Variants in NOL4 observed in about 807,000 individuals in gnomAD.
NOL4 encodes the protein cancer/testis antigen 125.
Under a neutral mutation model 75.9 loss-of-function variants are expected in NOL4, and 17 were observed. The observed-to-expected ratio is 0.22, with a 90% confidence interval of 0.15 to 0.34. The LOEUF is 0.34. Among genes scored for constraint, NOL4 ranks in the 10% least tolerant of loss-of-function variants. The pLI is 1.00. For missense variants in NOL4, 614 were observed against 793.5 expected, an observed-to-expected ratio of 0.77 and a Z score of 2.72; for synonymous variants, 292 against 289.9, an observed-to-expected ratio of 1.01 and a Z score of -0.07.
intron 10 of NOL4, among the ~76,000 whole-genome samples, chr18:33,871,362 G>A (rs2063692269): frequency 6.6e-6 from 1 of 152,118 alleles, no homozygotes; most frequent in South Asian, 2.1e-4. Context: ...GCCCAGGAAA[G>A]GGTAATGTGG....
At chr18:34,074,157 A>G (rs1325802889) in intron 5 of NOL4, among the ~76,000 whole-genome samples, 2 of 151,838 alleles carry the variant, frequency 1.3e-5, no homozygotes, top group African/African-American at 2.4e-5. Flanking sequence ...TATTTTTGGA[A>G]TATTTTGGTA....
chr18:34,212,278 G>A (rs985435571), intron 1 of NOL4, among the ~76,000 whole-genome samples: 2 of 151,864 alleles, frequency 1.3e-5, no homozygotes, highest in African/African-American at 4.9e-5. Flanking sequence ...TAATCTGTGA[G>A]AGCTTACATC....
At chr18:34,184,874 G>C (rs1352636579) in intron 1 of NOL4, among the ~76,000 whole-genome samples, 1 of 152,094 alleles carries the variant, frequency 6.6e-6, no homozygotes, top group African/African-American at 2.4e-5. Flanking sequence ...AAGTGGTGAA[G>C]AAGACATACA....
At chr18:33,966,043 T>G (rs1307397126) in intron 6 of NOL4, among the ~76,000 whole-genome samples, 1 of 152,152 alleles carries the variant, frequency 6.6e-6, no homozygotes, top group African/African-American at 2.4e-5. Context: ...GTGATTGATT[T>G]TATATCCCCT....
At chr18:34,196,302 T>C (rs1258058609) in intron 1 of NOL4, among the ~76,000 whole-genome samples, 6 of 152,098 alleles carry the variant, frequency 3.9e-5, no homozygotes, top group Non-Finnish European at 1.5e-5. Flanking sequence ...AAAGATTCTA[T>C]CATCTTGTTT....
At chr18:33,972,562 CAA>C (rs976473729) in intron 6 of NOL4, among the ~76,000 whole-genome samples, 1 of 152,168 alleles carries the variant, frequency 6.6e-6, no homozygotes, top group Admixed American at 6.6e-5. Context: ...AGCACTTCCT[CAA>C]AAAATTAAAG....
At position 34,154,486 on chromosome 18, in the gene NOL4, G is replaced by T. The variant is rs1255777661; in HGVS notation, c.265-24466C>A. Among the ~76,000 whole-genome samples, 5 of 151,822 alleles carry T rather than the reference G, an allele frequency of 3.3e-5. 1 individual carries two copies. Among genetic ancestry groups the T allele is most frequent in the Non-Finnish European group, 7.4e-5 (5 of 67,904 alleles). Reference sequence around the variant, plus strand: ...ATTTTGTTATGTCATTATGTTTGTGGGATTCATACATGCTGTAGTGTGTAG... The same window carrying T: ...ATTTTGTTATGTCATTATGTTTGTGTGATTCATACATGCTGTAGTGTGTAG... On this transcript the variant is annotated intron_variant, in intron 1 of 10. Coordinates refer to ENST00000261592, the MANE Select transcript of NOL4 (RefSeq NM_003787.5).
intron 1 of NOL4, among the ~76,000 whole-genome samples, chr18:34,209,610 T>C (rs1350230262): frequency 6.6e-6 from 1 of 152,136 alleles, no homozygotes; most frequent in African/African-American, 2.4e-5. Flanking sequence ...GAGGTCTCAT[T>C]TGTGTATATA....
intron 2 of NOL4, among the ~76,000 whole-genome samples, chr18:34,122,061 G>T (rs1311893802): frequency 1.3e-5 from 2 of 152,162 alleles, no homozygotes; most frequent in African/African-American, 4.8e-5. Context: ...AGCACAGAAA[G>T]ATAGAAATTT....
At chr18:33,984,299 T>A (rs191070473) in intron 6 of NOL4, among the ~76,000 whole-genome samples, 156 of 152,256 alleles carry the variant, frequency 1.0e-3, no homozygotes, top group African/African-American at 3.6e-3. Flanking sequence ...CAGTGAAATA[T>A]ACCTCAGGAT....
At chr18:34,011,692 A>T (rs2074383221) in intron 6 of NOL4, among the ~76,000 whole-genome samples, 1 of 151,844 alleles carries the variant, frequency 6.6e-6, no homozygotes. Flanking sequence ...AAAATTAAAT[A>T]CAAAAATAAA....
chr18:34,077,735 T>C (rs577906131), intron 5 of NOL4, among the ~76,000 whole-genome samples: 8 of 152,246 alleles, frequency 5.3e-5, no homozygotes, highest in South Asian at 2.1e-4. Context: ...AAAATATTTG[T>C]AGAAAGGAAA....
intron 5 of NOL4, among the ~76,000 whole-genome samples, chr18:34,055,658 G>GT (rs983108302): frequency 6.6e-6 from 1 of 152,064 alleles, no homozygotes; most frequent in Non-Finnish European, 1.5e-5. Context: ...AATTTGGGAA[G>GT]TTTTTTGTCA....
intron 9 of NOL4, among the ~76,000 whole-genome samples, chr18:33,903,490 C>T (rs945186684): frequency 6.6e-6 from 1 of 152,100 alleles, no homozygotes; most frequent in Non-Finnish European, 1.5e-5. Context: ...CCTGGGTACA[C>T]ATATCTCATC....
At chr18:33,892,252 G>T (rs898546156) in intron 9 of NOL4, among the ~76,000 whole-genome samples, 2 of 151,868 alleles carry the variant, frequency 1.3e-5, no homozygotes, top group African/African-American at 4.8e-5. Flanking sequence ...AACAAAGCAA[G>T]ACCCTGTCTC....
chr18:34,137,779 T>TATATACACACAC (rs1354745785), intron 1 of NOL4, among the ~76,000 whole-genome samples: 6 of 147,044 alleles, frequency 4.1e-5, no homozygotes, highest in South Asian at 4.4e-4. Context: ...ATATACGAAA[T>TATATACACACAC]ACACACACAC....
At chr18:33,862,047 G>T (rs1192025092) in intron 10 of NOL4, among the ~76,000 whole-genome samples, 1 of 152,074 alleles carries the variant, frequency 6.6e-6, no homozygotes, top group African/African-American at 2.4e-5. Context: ...AACCAAAACA[G>T]CATGGTACTG....
intron 4 of NOL4, among the ~76,000 whole-genome samples, chr18:34,103,046 G>T (rs922344063): frequency 3.3e-5 from 5 of 151,732 alleles, no homozygotes; most frequent in African/African-American, 1.2e-4. Context: ...TAAATACAGA[G>T]GAAAACTAAA....
At chr18:33,952,448 G>T (rs1035685052) in intron 8 of NOL4, among the ~76,000 whole-genome samples, 1 of 152,134 alleles carries the variant, frequency 6.6e-6, no homozygotes, top group African/African-American at 2.4e-5. Flanking sequence ...AGAAGGGATA[G>T]AAAGGTACCA....
Sources: allele counts gnomAD v4.1 joint callset (sites outside exome capture counted in the v4.1 genomes callset), GRCh38; gene constraint gnomAD v4.1.1; transcripts MANE v1.5; gene names NCBI Gene and HGNC (gene_info 2026-07-23, HGNC 2026-07-21).